Variants in SLC12A6 observed in about 807,000 individuals in gnomAD.
SLC12A6 encodes the protein K-Cl cotransporter 3.
SLC12A6 carries 66 observed loss-of-function variants against 135.3 expected under a neutral mutation model. That is an observed-to-expected ratio of 0.49 (90% CI 0.40 to 0.60). SLC12A6 has a LOEUF of 0.60. SLC12A6 is among the 20% of genes least tolerant of loss of function. The pLI, the probability that SLC12A6 is intolerant of heterozygous loss-of-function variation, is 0.00. For missense variants in SLC12A6, 1,058 were observed against 1,452.3 expected, an observed-to-expected ratio of 0.73 and a Z score of 4.41; for synonymous variants, 513 against 508.8, an observed-to-expected ratio of 1.01 and a Z score of -0.11.
At position 34,258,823 on chromosome 15, in the gene SLC12A6, T is replaced by C; in HGVS notation, c.533A>G (p.Lys178Arg). 1 of 1,613,586 alleles carries C rather than the reference T, an allele frequency of 6.2e-7. No individual in the cohort carries two copies. The highest frequency in any genetic ancestry group is 8.5e-7 in the Non-Finnish European group (1 of 1,179,494). ...EAENITEGKKKPTKTPQMGTF... is the reference protein window; with the variant it reads ...EAENITEGKKRPTKTPQMGTF... Reference sequence around the variant, plus strand: ...ATTCTGAGGCCTCACCTTGGTGGGCTTCTTTTTCCCTTCAGTGATGTTTTC... The same window carrying C: ...ATTCTGAGGCCTCACCTTGGTGGGCCTCTTTTTCCCTTCAGTGATGTTTTC... The change falls in exon 5 of 26, where the codon AAG (lysine) becomes AGG (arginine). Residue 178 changes from lysine (K) to arginine (R), a missense_variant. Physicochemically the swap from Lys to Arg is conservative, Grantham distance 26. This residue lies in a region of SLC12A6 where 139 missense variants were observed against 202.2 expected (regional missense o/e 0.69). Transcript: ENST00000354181.
chr15:34,247,708 CT>C (rs560146427), intron 13 of SLC12A6, among the ~76,000 whole-genome samples: 8,463 of 143,488 alleles, frequency 0.059, 261 homozygotes, highest in Non-Finnish European at 0.077. Context: ...ACTATCCTGA[CT>C]TTTTTTTTTT....
intron 2 of SLC12A6, among the ~76,000 whole-genome samples, chr15:34,319,672 G>A (rs1364935011): frequency 6.6e-6 from 1 of 151,842 alleles, no homozygotes; most frequent in Middle Eastern, 3.2e-3. Context: ...GGTGGTTCAT[G>A]CCTGTAGTCC....
chr15:34,272,276 G>C (rs1274530041), intron 3 of SLC12A6, among the ~76,000 whole-genome samples: 1 of 152,168 alleles, frequency 6.6e-6, no homozygotes, highest in Non-Finnish European at 1.5e-5. Context: ...CTGGTTGGAA[G>C]ATTTTCATTC....
intron 2 of SLC12A6, among the ~76,000 whole-genome samples, chr15:34,284,926 A>G (rs1199966150): frequency 6.6e-6 from 1 of 152,244 alleles, no homozygotes; most frequent in Non-Finnish European, 1.5e-5. Flanking sequence ...GTTAGTGCTA[A>G]GCGAAGCAGG....
intron 2 of SLC12A6, among the ~76,000 whole-genome samples, chr15:34,321,612 T>C (rs1889096393): frequency 1.3e-5 from 2 of 152,200 alleles, no homozygotes; most frequent in African/African-American, 4.8e-5. Flanking sequence ...ATTCCACTCA[T>C]AGGTATTTAC....
At position 34,285,717 on chromosome 15, in the gene SLC12A6, T is replaced by TGTATA. The variant is rs144158165; in HGVS notation, c.272-10329_272-10328insTATAC. 3.7e-3 allele frequency among the ~76,000 whole-genome samples: 485 copies of TGTATA among 131,102 alleles called. 2 individuals carry two copies. Among genetic ancestry groups the TGTATA allele is most frequent in the African/African-American group, 0.011 (360 of 33,612 alleles). The allele number at this position is 131,102 out of a possible 152,430, so 86.0% of individuals were successfully genotyped here. A position where few individuals can be genotyped will look rare whatever the true frequency, so the allele number is the denominator to read the frequency against. ...ATGTGTGTGTGTGTGTGTGTGTTTG[T>TGTATA]CATACATAAAATGGAATATTATTCA... is the stretch of plus-strand genomic sequence containing the variant. On this transcript the variant is annotated intron_variant, in intron 2 of 25. Coordinates refer to ENST00000354181, the MANE Select transcript of SLC12A6 (RefSeq NM_001365088.1).
At chr15:34,332,731 C>T (rs969868817) in intron 2 of SLC12A6, among the ~76,000 whole-genome samples, 2 of 150,488 alleles carry the variant, frequency 1.3e-5, no homozygotes, top group African/African-American at 4.9e-5. Context: ...TGCAGTGAGC[C>T]GAGATAGCGC....
At chr15:34,318,997 C>A (rs1413890100) in intron 2 of SLC12A6, among the ~76,000 whole-genome samples, 1 of 152,160 alleles carries the variant, frequency 6.6e-6, no homozygotes, top group Non-Finnish European at 1.5e-5. Flanking sequence ...GGAGACTGGA[C>A]AGAATTCACA....
At position 34,230,050 on chromosome 15, in the gene SLC12A6, C is replaced by CA. The variant is rs959935524; in HGVS notation, c.*3830dup. 8.9e-6 allele frequency: 4 copies of CA among 447,088 alleles called. No individual in the cohort carries two copies. Among genetic ancestry groups the CA allele is most frequent in the Non-Finnish European group, 1.6e-5 (4 of 253,882 alleles). The allele number at this position is 447,088 out of a possible 1,614,324, so 27.7% of individuals were successfully genotyped here. On this transcript the variant is annotated 3_prime_UTR_variant, in exon 26 of 26. Transcript: ENST00000354181. ...TTTCCAGTACAGAGCAAAACAACAA[C>CA]AAAAAAACATAACTATGTAAACAAG...
In SLC12A6 at chr15:34,250,775, T is replaced by C. The variant is rs1244807708; in HGVS notation, c.1493-46A>G. On this transcript the variant is annotated intron_variant, in intron 11 of 25. Transcript: ENST00000354181. The stretch of plus-strand genomic sequence containing the variant: ...AAACCAAGTTAACTTCTTGGACACT[T>C]TGATATTGATACTGATAGCAAAGAG... The C allele has an allele frequency of 2.9e-6, 4 of 1,370,246 alleles. No homozygotes were observed. The African/African-American group carries it at 4.3e-5, about 15-fold the overall frequency. 84.9% of individuals were successfully genotyped at this position (1,370,246 alleles called of 1,614,324 possible).
chr15:34,256,125 G>A lies in SLC12A6; in HGVS notation c.745+104C>T, dbSNP rs1200083564. ...CATTACTCTGTTGTAGCACAGAACA[G>A]ACCAAATAGTATTCTATTCTTCAGA... On this transcript the variant is annotated intron_variant, in intron 7 of 25. Transcript: ENST00000354181. 6 of 782,194 alleles carry A rather than the reference G, an allele frequency of 7.7e-6. No individual in the cohort carries two copies. In the Middle Eastern group the frequency reaches 8.9e-4, roughly 116 times the overall value. 48.5% of individuals were successfully genotyped at this position (782,194 alleles called of 1,614,324 possible).
At chr15:34,324,573 A>T (rs1211553912) in intron 2 of SLC12A6, among the ~76,000 whole-genome samples, 1 of 152,188 alleles carries the variant, frequency 6.6e-6, no homozygotes, top group African/African-American at 2.4e-5. Flanking sequence ...ATAGCTCAGA[A>T]CTCATAATAA....
intron 2 of SLC12A6, among the ~76,000 whole-genome samples, chr15:34,303,033 G>A: frequency 6.7e-6 from 1 of 149,270 alleles, no homozygotes; most frequent in South Asian, 2.1e-4. Context: ...TTCATGCACT[G>A]TGGAAACATA....
intron 16 of SLC12A6, among the ~76,000 whole-genome samples, chr15:34,243,772 T>C (rs1002445253): frequency 1.3e-5 from 2 of 152,158 alleles, no homozygotes; most frequent in Non-Finnish European, 2.9e-5. Flanking sequence ...TCTATTCGTA[T>C]TGGGTGTTAT....
Position 34,257,084 on chromosome 15 carries a change from G to A in SLC12A6, c.690+558C>T, listed in dbSNP as rs531900717. Among the ~76,000 whole-genome samples the A allele has an allele frequency of 4.6e-5, 7 of 152,222 alleles. No homozygotes were observed. In the South Asian group the frequency reaches 6.2e-4, roughly 14 times the overall value. On this transcript the variant is annotated intron_variant, in intron 6 of 25. Transcript: ENST00000354181. ...AAGGTCATAGTGATAAAAAAGGACA[G>A]TAGAAAACTATAAAATTCATAGGTG...
In SLC12A6 at chr15:34,254,553, C is replaced by G; in HGVS notation, c.913G>C (p.Asp305His). 2 of 1,610,176 alleles carry G rather than the reference C, an allele frequency of 1.2e-6. No homozygotes were observed. The highest frequency in any genetic ancestry group is 1.1e-5 in the South Asian group (1 of 91,006). ...GCTGCTGATTCCTTGAGTGCGTCAT[C>G]ACTGTGAAAGATGGCAGCTCGGGGG... is the stretch of plus-strand genomic sequence containing the variant. ...IVPRAAIFHS[D>H]DALKESAAML... The change falls in exon 9 of 26, where the codon GAT becomes CAT. Residue 305 changes from aspartate (D) to histidine (H), a missense_variant. This residue lies in a region of SLC12A6 where 297 missense variants were observed against 318.5 expected (regional missense o/e 0.93). Transcript: ENST00000354181.
intron 2 of SLC12A6, among the ~76,000 whole-genome samples, chr15:34,336,077 T>C (rs572978621): frequency 6.6e-6 from 1 of 152,342 alleles, no homozygotes; most frequent in African/African-American, 2.4e-5. Flanking sequence ...TTTTAAAATT[T>C]AGGATTCTGT....
chr15:34,247,548 C>A (rs1040541236), intron 13 of SLC12A6, among the ~76,000 whole-genome samples: 1 of 151,684 alleles, frequency 6.6e-6, no homozygotes. Context: ...TGCAAAAAAA[C>A]AACAAATGCA....
chr15:34,268,009 T>C (rs950178955), intron 3 of SLC12A6, among the ~76,000 whole-genome samples: 3 of 152,224 alleles, frequency 2.0e-5, no homozygotes, highest in African/African-American at 7.2e-5. Flanking sequence ...TCTTCCTAAC[T>C]GCATCCTCTA....
Sources: allele counts gnomAD v4.1 joint callset (sites outside exome capture counted in the v4.1 genomes callset), GRCh38; gene constraint gnomAD v4.1.1; regional missense constraint gnomAD v4.1.1; transcripts MANE v1.5; gene names NCBI Gene and HGNC (gene_info 2026-07-23, HGNC 2026-07-21).